The following SATB2 variants were observed in gnomAD, a reference collection of about 807,000 sequenced individuals.
SATB2 encodes SATB homeobox 2, also known as DNA-binding protein SATB2.
Under a neutral mutation model 73.4 loss-of-function variants are expected in SATB2, and 1 was observed. The observed-to-expected ratio is 0.01, with a 90% CI of 0.00 to 0.06. The LOEUF is 0.06. Among genes scored for constraint, SATB2 ranks in the 10% least tolerant of loss-of-function variants. SATB2 has a pLI of 1.00. For missense variants in SATB2, 459 were observed against 945.8 expected (o/e 0.49, Z 6.75); for synonymous variants, 397 against 367.0 (o/e 1.08, Z -0.93).
At chr2:199,275,909 G>C (rs1692299299) in intron 10 of SATB2, among the ~76,000 whole-genome samples, 1 of 152,056 alleles carries the variant, frequency 6.6e-6, no homozygotes, top group Non-Finnish European at 1.5e-5. Context: ...ACTTTTCTTT[G>C]GCTATAAGTC....
At chr2:199,436,855 G>C (rs1458953771) in intron 2 of SATB2, among the ~76,000 whole-genome samples, 1 of 150,742 alleles carries the variant, frequency 6.6e-6, no homozygotes, top group African/African-American at 2.4e-5. Flanking sequence ...GAGAGAGAGA[G>C]AGAGAGAGAT....
At chr2:199,426,822 ATTTAGAGACAGAGTC>A (rs1691350193) in intron 3 of SATB2, among the ~76,000 whole-genome samples, 3 of 152,036 alleles carry the variant, frequency 2.0e-5, no homozygotes, top group Admixed American at 2.0e-4. Flanking sequence ...CTATTTATTT[ATTTAGAGACAGAGTC>A]TTTATTTAGA....
At chr2:199,426,654 T>G (rs1691337493) in intron 3 of SATB2, among the ~76,000 whole-genome samples, 1 of 140,084 alleles carries the variant, frequency 7.1e-6, no homozygotes. Context: ...AAAAACCTTT[T>G]GACTCCAGAC....
At chr2:199,300,898 C>T (rs1211808159) in intron 10 of SATB2, among the ~76,000 whole-genome samples, 3 of 151,950 alleles carry the variant, frequency 2.0e-5, no homozygotes, top group South Asian at 4.1e-4. Flanking sequence ...GCAACTAACC[C>T]TGAATGTTGA....
chr2:199,371,234 G>A (rs1452873945), intron 5 of SATB2, among the ~76,000 whole-genome samples: 1 of 151,878 alleles, frequency 6.6e-6, no homozygotes, highest in Non-Finnish European at 1.5e-5. Flanking sequence ...CCCTACATTA[G>A]ACTGTTAAAT....
intron 2 of SATB2, among the ~76,000 whole-genome samples, chr2:199,437,064 AT>A (rs977126937): frequency 1.3e-5 from 2 of 152,208 alleles, no homozygotes; most frequent in African/African-American, 4.8e-5. Context: ...TTTCAACAAA[AT>A]TTAGAAATGG....
chr2:199,339,151 A>T (rs1366891186), intron 7 of SATB2, among the ~76,000 whole-genome samples: 1 of 152,136 alleles, frequency 6.6e-6, no homozygotes, highest in East Asian at 1.9e-4. Flanking sequence ...CATCTCCCCA[A>T]GTCTCTTTAG....
chr2:199,390,290 A>G (rs1214214813), intron 3 of SATB2, among the ~76,000 whole-genome samples: 1 of 152,210 alleles, frequency 6.6e-6, no homozygotes, highest in African/African-American at 2.4e-5. Context: ...AAACTATTAC[A>G]TGGAGGAATA....
chr2:199,289,374 T>C (rs1454751017), intron 10 of SATB2, among the ~76,000 whole-genome samples: 2 of 152,114 alleles, frequency 1.3e-5, no homozygotes, highest in Non-Finnish European at 2.9e-5. Context: ...CAGTTCCTAA[T>C]TCCCTGGGGC....
chr2:199,453,343 T>G (rs1446854042), intron 2 of SATB2, among the ~76,000 whole-genome samples: 2 of 152,176 alleles, frequency 1.3e-5, no homozygotes, highest in Admixed American at 6.5e-5. Context: ...TAAGACAAAT[T>G]TTATTGTATC....
chr2:199,378,032 T>G (rs1689656095), intron 5 of SATB2, among the ~76,000 whole-genome samples: 1 of 152,098 alleles, frequency 6.6e-6, no homozygotes, highest in Non-Finnish European at 1.5e-5. Context: ...GCAAATACAA[T>G]GATGCCCAGC....
intron 3 of SATB2, among the ~76,000 whole-genome samples, chr2:199,411,089 C>T (rs977377234): frequency 6.6e-6 from 1 of 152,020 alleles, no homozygotes. Flanking sequence ...GACAATACTA[C>T]TATGTATCAA....
At chr2:199,422,366 TAA>T (rs1434540048) in intron 3 of SATB2, among the ~76,000 whole-genome samples, 2 of 151,918 alleles carry the variant, frequency 1.3e-5, no homozygotes, top group African/African-American at 2.4e-5. Flanking sequence ...TTAAACTTTA[TAA>T]GTTTATAAGG....
rs1002404738 is a variant in SATB2 at position 199,380,658 on chromosome 2, G to A, written c.474-171C>T. On this transcript the variant is annotated intron_variant, in intron 4 of 10. Coordinates refer to ENST00000417098, the MANE Select transcript of SATB2 (RefSeq NM_001172509.2). ...TAAAACTGCTTCTCCAAGACTTTGC[G>A]AGGGCCCAAGGGGTCTCTTTTGAGT... Among the ~76,000 whole-genome samples, 11 of 152,296 alleles carry A rather than the reference G, an allele frequency of 7.2e-5. No homozygotes were observed. The Middle Eastern group carries it at 0.014, about 188-fold the overall frequency.
upstream of SATB2, chr2:199,458,845 G>T: frequency 3.3e-6 from 1 of 299,962 alleles, no homozygotes; most frequent in Non-Finnish European, 6.4e-6. Context: ...CGAGCCGAAC[G>T]TCCCGGCCCG....
chr2:199,336,758 T>A (rs1688348586), intron 7 of SATB2, among the ~76,000 whole-genome samples: 1 of 152,194 alleles, frequency 6.6e-6, no homozygotes, highest in Non-Finnish European at 1.5e-5. Context: ...AAGAAGGGAT[T>A]ATGCCCTTCA....
intron 2 of SATB2, among the ~76,000 whole-genome samples, chr2:199,446,832 G>C (rs1039782962): frequency 6.6e-6 from 1 of 152,170 alleles, no homozygotes; most frequent in East Asian, 1.9e-4. Flanking sequence ...CTGAAATTAT[G>C]AGACCTCCAC....
At chr2:199,333,934 T>C (rs1290583312) in intron 7 of SATB2, among the ~76,000 whole-genome samples, 1 of 152,170 alleles carries the variant, frequency 6.6e-6, no homozygotes, top group Non-Finnish European at 1.5e-5. Context: ...GGAAAAAGCC[T>C]CAAGCTAGCT....
At chr2:199,447,592 A>G (rs80158177) in intron 2 of SATB2, among the ~76,000 whole-genome samples, 1,766 of 152,170 alleles carry the variant, frequency 0.012, 21 homozygotes, top group Middle Eastern at 0.02. Flanking sequence ...GGAGGGGGAG[A>G]GAGTAGTTCC....
Sources: gnomAD v4.1 joint callset for allele counts (sites outside exome capture counted in the v4.1 genomes callset) on GRCh38, gnomAD v4.1.1 for gene constraint, MANE v1.5 for transcripts, NCBI Gene and HGNC (gene_info 2026-07-23, HGNC 2026-07-21) for gene names.